Variants in VPS13B observed in about 807,000 individuals in gnomAD.
VPS13B encodes vacuolar protein sorting 13 homolog B, also known as intermembrane lipid transfer protein VPS13B.
A neutral mutation model predicts 426.4 loss-of-function variants in VPS13B; 285 were observed. The observed-to-expected ratio is 0.67, with a 90% CI of 0.61 to 0.74. The LOEUF is 0.74. Ranked by LOEUF, VPS13B falls within the 30% of genes least tolerant of loss-of-function variation. VPS13B has a pLI of 0.00. For missense variants in VPS13B, 4,537 were observed against 4,782.6 expected (o/e 0.95, Z 1.51); for synonymous variants, 1,676 against 1,676.4 (o/e 1.00, Z 0.01).
intron 3 of VPS13B, among the ~76,000 whole-genome samples, chr8:99,041,502 A>G (rs1372739894): frequency 1.3e-5 from 2 of 152,180 alleles, no homozygotes; most frequent in African/African-American, 2.4e-5. Flanking sequence ...GTAAAACAGG[A>G]CAAGACTTGC....
chr8:99,598,961 C>A (rs115900667), intron 33 of VPS13B, among the ~76,000 whole-genome samples: 1,604 of 146,620 alleles, frequency 0.011, 30 homozygotes, highest in African/African-American at 0.038. Context: ...CTTAGTTCAC[C>A]ATTTCTAAAC....
chr8:99,147,236 C>T (rs1268692212), intron 13 of VPS13B, among the ~76,000 whole-genome samples: 1 of 151,982 alleles, frequency 6.6e-6, no homozygotes, highest in African/African-American at 2.4e-5. Flanking sequence ...TTCAGCCTCC[C>T]GAGTAGCTGG....
chr8:99,367,501 C>T (rs924683100), intron 19 of VPS13B, among the ~76,000 whole-genome samples: 4 of 152,170 alleles, frequency 2.6e-5, no homozygotes, highest in Admixed American at 2.6e-4. Flanking sequence ...GGTTGGTGTT[C>T]TGTAAACCTC....
intron 19 of VPS13B, among the ~76,000 whole-genome samples, chr8:99,344,007 C>T (rs1415248084): frequency 5.9e-5 from 9 of 152,132 alleles, no homozygotes; most frequent in African/African-American, 1.2e-4. Flanking sequence ...ATAGCCAAAA[C>T]GGTCTTGACC....
intron 34 of VPS13B, among the ~76,000 whole-genome samples, chr8:99,654,077 CT>C (rs1409417342): frequency 7.3e-5 from 11 of 151,690 alleles, no homozygotes; most frequent in African/African-American, 2.4e-4. Flanking sequence ...GGGACAGAGT[CT>C]TGCTCTGTCA....
At chr8:99,487,345 T>C (rs1820366598) in intron 25 of VPS13B, among the ~76,000 whole-genome samples, 1 of 152,194 alleles carries the variant, frequency 6.6e-6, no homozygotes, top group Non-Finnish European at 1.5e-5. Context: ...GTATTAAAAT[T>C]TCTTACTAAG....
At chr8:99,844,093 G>A (rs1319021850) in intron 54 of VPS13B, among the ~76,000 whole-genome samples, 1 of 152,212 alleles carries the variant, frequency 6.6e-6, no homozygotes, top group Non-Finnish European at 1.5e-5. Context: ...TCTTAAGGCT[G>A]AGTGTTAATC....
chr8:99,507,065 T>G, intron 27 of VPS13B, 72 bp from the exon 28 acceptor site: 5 of 1,519,014 alleles, frequency 3.3e-6, no homozygotes, highest in Non-Finnish European at 4.6e-6. Flanking sequence ...TTATTTGAAA[T>G]AGTTATGTAT....
intron 42 of VPS13B, among the ~76,000 whole-genome samples, chr8:99,782,459 G>A (rs182508241): frequency 5.3e-5 from 8 of 152,062 alleles, no homozygotes; most frequent in Admixed American, 3.9e-4. Context: ...TTATGTAAGC[G>A]TAAAATAGGA....
intron 21 of VPS13B, among the ~76,000 whole-genome samples, chr8:99,413,406 C>G (rs573040404): frequency 3.3e-5 from 5 of 151,936 alleles, no homozygotes; most frequent in Admixed American, 2.6e-4. Context: ...GTGGTGATCT[C>G]CCCTTTATCA....
intron 39 of VPS13B, among the ~76,000 whole-genome samples, chr8:99,742,256 C>T (rs1215976979): frequency 2.6e-5 from 4 of 152,006 alleles, no homozygotes; most frequent in South Asian, 4.2e-4. Flanking sequence ...ACACATACAC[C>T]CTCCCAAGAC....
chr8:99,687,703 C>A (rs118046132), intron 35 of VPS13B, among the ~76,000 whole-genome samples: 1 of 152,048 alleles, frequency 6.6e-6, no homozygotes, highest in Non-Finnish European at 1.5e-5. Flanking sequence ...GCCACCCTTG[C>A]GGAGATGGAA....
intron 23 of VPS13B, among the ~76,000 whole-genome samples, chr8:99,459,420 G>A (rs964740574): frequency 6.6e-5 from 10 of 152,082 alleles, no homozygotes; most frequent in Non-Finnish European, 4.4e-5. Flanking sequence ...TTAACAATAT[G>A]TTCTGAGAAA....
At chr8:99,507,992 A>G in intron 28 of VPS13B, 2 of 1,594,828 alleles carry the variant, frequency 1.3e-6, no homozygotes, top group Non-Finnish European at 1.7e-6. Context: ...CATAGAGTCA[A>G]CTCTTGATTT....
At chr8:99,291,674 T>C (rs1819741610) in intron 19 of VPS13B, among the ~76,000 whole-genome samples, 1 of 152,016 alleles carries the variant, frequency 6.6e-6, no homozygotes, top group Non-Finnish European at 1.5e-5. Flanking sequence ...GAAAAAGAGA[T>C]TAATTTGAAT....
At chr8:99,363,380 C>T (rs903817010) in intron 19 of VPS13B, among the ~76,000 whole-genome samples, 1 of 152,052 alleles carries the variant, frequency 6.6e-6, no homozygotes, top group African/African-American at 2.4e-5. Flanking sequence ...TACTGTAACT[C>T]TGTAGTAAAA....
intron 7 of VPS13B, among the ~76,000 whole-genome samples, chr8:99,116,914 T>C (rs759152919): frequency 4.6e-5 from 7 of 152,232 alleles, no homozygotes; most frequent in Non-Finnish European, 8.8e-5. Context: ...AGAAATCATT[T>C]TGATGTATTT....
chr8:99,665,003 C>A (rs946917488), intron 35 of VPS13B, among the ~76,000 whole-genome samples: 65 of 152,234 alleles, frequency 4.3e-4, no homozygotes, highest in African/African-American at 1.3e-3. Flanking sequence ...TTTTAATGAT[C>A]ACCATTCTAA....
chr8:99,591,492 G>A (rs1469468764), intron 33 of VPS13B, among the ~76,000 whole-genome samples: 1 of 152,110 alleles, frequency 6.6e-6, no homozygotes, highest in Non-Finnish European at 1.5e-5. Context: ...GCTGGTACCA[G>A]TTGTTCCTTT....
Sources: allele counts gnomAD v4.1 joint callset (sites outside exome capture counted in the v4.1 genomes callset), GRCh38; gene constraint gnomAD v4.1.1; transcripts MANE v1.5; gene names NCBI Gene and HGNC (gene_info 2026-07-23, HGNC 2026-07-21).